Variants in ZFPM2 observed in about 807,000 individuals in gnomAD.
ZFPM2 encodes the protein zinc finger protein, FOG family member 2, also known as zinc finger protein ZFPM2.
In ZFPM2, 20 loss-of-function variants were observed where a neutral mutation model predicts 98.6. The observed-to-expected ratio is 0.20, with a 90% CI of 0.14 to 0.29. The LOEUF (loss-of-function observed/expected upper bound fraction) is 0.29, where lower values mean the gene tolerates loss of function less well. ZFPM2 is among the 10% of genes least tolerant of loss of function. The pLI is 1.00. For synonymous variants in ZFPM2, 518 were observed against 502.7 expected (o/e 1.03, Z -0.41); for missense variants, 1,310 against 1,388.6 (o/e 0.94, Z 0.90).
intron 1 of ZFPM2, among the ~76,000 whole-genome samples, chr8:105,320,630 C>T (rs1812007001): frequency 6.6e-6 from 1 of 152,160 alleles, no homozygotes; most frequent in South Asian, 2.1e-4. Flanking sequence ...TGGCTGTCAC[C>T]TGGGTTTGTT....
At chr8:105,741,409 G>T (rs777063862) in intron 5 of ZFPM2, among the ~76,000 whole-genome samples, 11 of 152,096 alleles carry the variant, frequency 7.2e-5, no homozygotes, top group African/African-American at 2.4e-4. Context: ...CTTTGCTGTT[G>T]TTTAAGATCA....
In ZFPM2 at chr8:105,801,278, A is replaced by G; in HGVS notation, c.1196A>G (p.His399Arg). 2.5e-6 allele frequency: 4 copies of G among 1,613,802 alleles called. No homozygotes were observed. Among genetic ancestry groups the G allele is most frequent in the Non-Finnish European group, 3.4e-6 (4 of 1,179,854 alleles). ...CTTCCCAGAGAAAGTGACATGGAACACTCTCCAAGTGCAACTGAAGACAGC... is the reference window on the plus strand; with the variant it reads ...CTTCCCAGAGAAAGTGACATGGAACGCTCTCCAAGTGCAACTGAAGACAGC... ...GKLPRESDME[H>R]SPSATEDSLQ... The change falls in exon 8 of 8, where the codon CAC (histidine) becomes CGC (arginine). Residue 399 changes from histidine to arginine, a missense_variant. By Grantham distance (29) the His-to-Arg change is conservative (BLOSUM62 0). Coordinates refer to ENST00000407775, the MANE Select transcript of ZFPM2 (RefSeq NM_012082.4).
intron 4 of ZFPM2, among the ~76,000 whole-genome samples, chr8:105,624,853 C>T (rs888916380): frequency 3.9e-5 from 6 of 152,252 alleles, no homozygotes; most frequent in Admixed American, 3.3e-4. Flanking sequence ...AGAGATAAAA[C>T]TGTCTGACAT....
At chr8:105,766,812 T>C (rs1178482043) in intron 5 of ZFPM2, among the ~76,000 whole-genome samples, 1 of 151,846 alleles carries the variant, frequency 6.6e-6, no homozygotes, top group Non-Finnish European at 1.5e-5. Flanking sequence ...TTGCCAGCCA[T>C]CTTCTCAGAC....
chr8:105,412,025 A>G (rs1168620011), intron 1 of ZFPM2, among the ~76,000 whole-genome samples: 1 of 151,860 alleles, frequency 6.6e-6, no homozygotes, highest in African/African-American at 2.4e-5. Flanking sequence ...TTCTCAAAGC[A>G]AGGCATTTCG....
At position 105,614,838 on chromosome 8, in the gene ZFPM2, G is replaced by T. The variant is rs142434849; in HGVS notation, c.421-19408G>T. On this transcript the variant is annotated intron_variant, in intron 4 of 7. Transcript: ENST00000407775. ...TCTATTCACAGCAATTAAATGAGAG[G>T]GGTTTTGAAAATTCTCCAGTTTATT... Among the ~76,000 whole-genome samples, 966 of 152,082 alleles carry T rather than the reference G, an allele frequency of 6.4e-3. 2 individuals are homozygous for T. The highest frequency in any genetic ancestry group is 0.01 in the Non-Finnish European group (690 of 67,984).
intron 4 of ZFPM2, among the ~76,000 whole-genome samples, chr8:105,580,799 T>TTCTCTC (rs770366065): frequency 9.1e-5 from 13 of 142,962 alleles, no homozygotes; most frequent in African/African-American, 2.6e-4. Context: ...ATAATCATCA[T>TTCTCTC]TCTCTCTCTC....
At chr8:105,583,452 T>A (rs1352798301) in intron 4 of ZFPM2, among the ~76,000 whole-genome samples, 2 of 152,160 alleles carry the variant, frequency 1.3e-5, no homozygotes, top group Non-Finnish European at 2.9e-5. Flanking sequence ...GAGCAACAAA[T>A]CTATAGCATA....
At chr8:105,689,020 AT>A (rs954348846) in intron 5 of ZFPM2, among the ~76,000 whole-genome samples, 1 of 152,108 alleles carries the variant, frequency 6.6e-6, no homozygotes, top group African/African-American at 2.4e-5. Context: ...CATCCTTCAT[AT>A]TGGTGAGAAT....
At chr8:105,421,906 G>T (rs1264935997) in intron 2 of ZFPM2, among the ~76,000 whole-genome samples, 1 of 151,706 alleles carries the variant, frequency 6.6e-6, no homozygotes, top group Non-Finnish European at 1.5e-5. Flanking sequence ...AATTAGCCGG[G>T]TGTGGTGGTG....
At chr8:105,441,349 G>C (rs1812234168) in intron 2 of ZFPM2, among the ~76,000 whole-genome samples, 1 of 150,940 alleles carries the variant, frequency 6.6e-6, no homozygotes. Flanking sequence ...ATTTTATGGA[G>C]GGAATTTCAT....
chr8:105,497,860 T>C (rs1813506725), intron 3 of ZFPM2, among the ~76,000 whole-genome samples: 1 of 151,952 alleles, frequency 6.6e-6, no homozygotes, highest in Non-Finnish European at 1.5e-5. Flanking sequence ...ACAATGGCAC[T>C]TTGAGTTTGA....
At chr8:105,351,908 T>G (rs1812654239) in intron 1 of ZFPM2, among the ~76,000 whole-genome samples, 1 of 152,180 alleles carries the variant, frequency 6.6e-6, no homozygotes, top group South Asian at 2.1e-4. Flanking sequence ...AAGATGGGCA[T>G]TTTTCTAGGG....
chr8:105,785,364 GGACA>G (rs1813384489), intron 5 of ZFPM2: 1 of 151,552 alleles, frequency 6.6e-6, no homozygotes, highest in South Asian at 2.1e-4. Flanking sequence ...CTTTGCAGTT[GGACA>G]GACAAAAGTG....
At chr8:105,350,847 G>A (rs775752135) in intron 1 of ZFPM2, among the ~76,000 whole-genome samples, 107 of 152,046 alleles carry the variant, frequency 7.0e-4, no homozygotes, top group Non-Finnish European at 1.3e-3. Flanking sequence ...TGGAGAATTG[G>A]TTTCAGAACC....
chr8:105,803,364 T>G lies in ZFPM2; in HGVS notation c.3282T>G (p.Ile1094Met), dbSNP rs1448666559. ...LAANENVSPG[I>M]PSAEEQLSSI... ...CCAATGAGAATGTCTCACCAGGAAT[T>G]CCCTCAGCAGAGGAACAGTTGTCTA... is the stretch of plus-strand genomic sequence containing the variant. Residue 1094 changes from isoleucine (I) to methionine (M), a missense_variant, in exon 8 of 8, where the codon ATT (isoleucine) becomes ATG (methionine). By Grantham distance (10) the Ile-to-Met change is conservative. Transcript: ENST00000407775. 6.2e-7 allele frequency: 1 copy of G among 1,611,960 alleles called. No homozygotes were observed. Among genetic ancestry groups the G allele is most frequent in the East Asian group, 2.2e-5 (1 of 44,838 alleles).
At chr8:105,433,387 A>C (rs1473550078) in intron 2 of ZFPM2, among the ~76,000 whole-genome samples, 1 of 152,158 alleles carries the variant, frequency 6.6e-6, no homozygotes, top group African/African-American at 2.4e-5. Context: ...CAATACTTTA[A>C]TTGTGACTTT....
At chr8:105,416,437 GTTAA>G (rs1398271290) in intron 1 of ZFPM2, among the ~76,000 whole-genome samples, 1 of 151,406 alleles carries the variant, frequency 6.6e-6, no homozygotes, top group East Asian at 1.9e-4. Context: ...ATATATTACT[GTTAA>G]TTAAACATTG....
chr8:105,777,251 G>A (rs1396836176), intron 5 of ZFPM2, among the ~76,000 whole-genome samples: 1 of 152,136 alleles, frequency 6.6e-6, no homozygotes, highest in Non-Finnish European at 1.5e-5. Flanking sequence ...CAGAAGAGCT[G>A]AAGAACAAAA....
Sources: allele counts gnomAD v4.1 joint callset (sites outside exome capture counted in the v4.1 genomes callset), GRCh38; gene constraint gnomAD v4.1.1; transcripts MANE v1.5; gene names NCBI Gene and HGNC (gene_info 2026-07-23, HGNC 2026-07-21).